SH3D21: variants seen among roughly 807,000 people sequenced by gnomAD.
SH3D21 encodes the protein SH3 domain-containing protein 21.
SH3D21 carries 83 observed loss-of-function variants against 82.1 expected under a neutral mutation model. The ratio of observed to expected loss-of-function variants is 1.01; its 90% CI spans 0.85 to 1.21. The LOEUF (loss-of-function observed/expected upper bound fraction) is 1.21, where lower values mean the gene tolerates loss of function less well. Ranked by LOEUF, SH3D21 falls within the 50% of genes most tolerant of loss-of-function variation. SH3D21 has a pLI of 0.00. For missense variants in SH3D21, 980 were observed against 962.1 expected (o/e 1.02, Z -0.25); for synonymous variants, 383 against 387.8 (o/e 0.99, Z 0.15).
intron 7 of SH3D21, 55 bp downstream of exon 7, chr1:36,308,018 C>CT: frequency 1.3e-6 from 2 of 1,550,966 alleles, no homozygotes; most frequent in African/African-American, 2.7e-5. Flanking sequence ...AAGGTTGTGA[C>CT]TTGGTGGGCC....
At chr1:36,328,269 C>G (rs1199691029), downstream of SH3D21, 2 of 391,202 alleles carry the variant, frequency 5.1e-6, no homozygotes, top group African/African-American at 2.1e-5. Flanking sequence ...AACCCAAGCA[C>G]AGCTCTGCTC....
chr1:36,318,585 C>G (rs1646383218), intron 10 of SH3D21, among the ~76,000 whole-genome samples: 1 of 151,728 alleles, frequency 6.6e-6, no homozygotes, highest in South Asian at 2.1e-4. Context: ...CCAGCCTGGC[C>G]AACATGGTGA....
At chr1:36,329,080 C>A (rs1358354546), downstream of SH3D21, 1 of 152,282 alleles carries the variant, frequency 6.6e-6, no homozygotes, top group Non-Finnish European at 1.5e-5. Context: ...CCAAAGCTGC[C>A]TTTTCATAAT....
At chr1:36,323,502 G>C (rs917723406), downstream of SH3D21, 3 of 152,352 alleles carry the variant, frequency 2.0e-5, no homozygotes, top group African/African-American at 4.8e-5. Flanking sequence ...AGCGCGTCCC[G>C]CGGCCGCATA....
At chr1:36,327,354 C>G (rs1646555374), downstream of SH3D21, among the ~76,000 whole-genome samples, 1 of 152,228 alleles carries the variant, frequency 6.6e-6, no homozygotes, top group Admixed American at 6.5e-5. Flanking sequence ...TGCCTGCCAT[C>G]CACGGGAATA....
intron 10 of SH3D21, among the ~76,000 whole-genome samples, chr1:36,318,676 G>A (rs1211750248): frequency 1.3e-5 from 2 of 151,988 alleles, no homozygotes; most frequent in Non-Finnish European, 2.9e-5. Context: ...GGGAGGCCAA[G>A]GCAGGTGGAT....
Position 36,307,945 on chromosome 1 carries a change from C to T in SH3D21, c.520C>T (p.Pro174Ser). The stretch of plus-strand genomic sequence containing the variant: ...GAGCAGCCTGGCCTATGACAGCCCT[C>T]CAGACTACCTGCAGACAGGTGAGCA... Reference protein sequence around the residue: ...KLSSLAYDSPPDYLQTVSHPE... With the variant: ...KLSSLAYDSPSDYLQTVSHPE... The change falls in exon 7 of 16, where the codon CCA becomes TCA. Residue 174 changes from proline (P) to serine (S), a missense_variant. Coordinates refer to ENST00000453908, the MANE Select transcript of SH3D21 (RefSeq NM_001162530.2). This position sits in a 1 kb window ranked among gnomAD's most constrained non-coding sequence, Gnocchi z 5.4. 1 of 1,551,740 alleles carries T rather than the reference C, an allele frequency of 6.4e-7. No individual in the cohort carries two copies. The highest frequency in any genetic ancestry group is 8.7e-7 in the Non-Finnish European group (1 of 1,147,008).
chr1:36,320,078 TG>T lies in SH3D21; in HGVS notation c.1417del (p.Ala473ProfsTer10). 6.2e-7 allele frequency: 1 copy of T among 1,613,910 alleles called. No individual in the cohort carries two copies. The highest frequency in any genetic ancestry group is 8.5e-7 in the Non-Finnish European group (1 of 1,179,968). On this transcript the variant is annotated frameshift_variant, in exon 14 of 16. Coordinates refer to ENST00000453908, the MANE Select transcript of SH3D21 (RefSeq NM_001162530.2). LOFTEE classifies it high-confidence loss of function. ...PPMDKVPNPK[M>X]APLGDEAPTL... ...ATGGATAAAGTCCCTAATCCAAAGA[TG>T]GCCCCTCTGGGGGATGAGGCCCCCA...
At chr1:36,313,967 A>ATTTTTTT (rs1207014644) in intron 10 of SH3D21, among the ~76,000 whole-genome samples, 13 of 36,878 alleles carry the variant, frequency 3.5e-4, no homozygotes, top group East Asian at 2.6e-3. Flanking sequence ...TGCTGAACAT[A>ATTTTTTT]TTTTCTTTTT....
At chr1:36,308,050 G>A (rs1391825723) in intron 7 of SH3D21, 59 bp from the exon 8 acceptor site, 1 of 1,548,126 alleles carries the variant, frequency 6.5e-7, no homozygotes, top group African/African-American at 1.4e-5. Context: ...TGGAGGTGGG[G>A]GCTGCTGATG....
chr1:36,327,921 C>A, downstream of SH3D21: 1 of 1,257,796 alleles, frequency 8.0e-7, no homozygotes, highest in South Asian at 1.2e-5. Context: ...CCAGCCTGTC[C>A]GTGGGTCAGC....
chr1:36,309,486 T>A, intron 9 of SH3D21, 62 bp from the exon 10 acceptor site: 1 of 1,543,618 alleles, frequency 6.5e-7, no homozygotes, highest in Non-Finnish European at 8.8e-7. Flanking sequence ...ACGCCTGGCC[T>A]GCATTTTGGA....
At chr1:36,319,046 G>A in intron 10 of SH3D21, 25 bp from the exon 11 acceptor site, 1 of 1,368,814 alleles carries the variant, frequency 7.3e-7, no homozygotes, top group Non-Finnish European at 1.0e-6. Flanking sequence ...TCAGATGGAT[G>A]AGTGCTCCAC....
chr1:36,322,092 A>C, downstream of SH3D21: 1 of 1,353,888 alleles, frequency 7.4e-7, no homozygotes, highest in South Asian at 1.8e-5. Flanking sequence ...CCAGAGAGGG[A>C]GTGGGGACCC....
downstream of SH3D21, chr1:36,328,245 C>G (rs1413037010): frequency 2.4e-6 from 1 of 419,302 alleles, no homozygotes; most frequent in Non-Finnish European, 4.8e-6. Flanking sequence ...CTGGCATATT[C>G]AGGACCCAGT....
At chr1:36,322,544 CTCCTCGTCCTCG>C (rs1557490513), downstream of SH3D21, 1 of 1,598,456 alleles carries the variant, frequency 6.3e-7, no homozygotes, top group South Asian at 1.1e-5. Flanking sequence ...TCACCGTGTC[CTCCTCGTCCTCG>C]TCGTCGTCCT....
At position 36,312,754 on chromosome 1, in the gene SH3D21, A is replaced by G. The variant is rs1646264956; in HGVS notation, c.769+3164A>G. 2.0e-5 allele frequency among the ~76,000 whole-genome samples: 3 copies of G among 152,108 alleles called. No individual in the cohort carries two copies. In the South Asian group the frequency reaches 6.2e-4, roughly 32 times the overall value. On this transcript the variant is annotated intron_variant, in intron 10 of 15. Coordinates refer to ENST00000453908, the MANE Select transcript of SH3D21 (RefSeq NM_001162530.2). ...GAGACAGAGTCGCATTCTGTCACCT[A>G]GGTTGGAGTGCAGTGGCGCGATCTC...
At chr1:36,317,033 T>C (rs1242224288) in intron 10 of SH3D21, among the ~76,000 whole-genome samples, 2 of 152,154 alleles carry the variant, frequency 1.3e-5, no homozygotes, top group Non-Finnish European at 2.9e-5. Context: ...GCCTCAAAAT[T>C]GTGTCCTCAG....
downstream of SH3D21, among the ~76,000 whole-genome samples, chr1:36,329,895 G>T (rs893673746): frequency 6.6e-6 from 1 of 151,834 alleles, no homozygotes; most frequent in Non-Finnish European, 1.5e-5. Context: ...CCCTCCTTTC[G>T]CATAGGTCTT....
Sources: allele counts gnomAD v4.1 joint callset (sites outside exome capture counted in the v4.1 genomes callset), GRCh38; gene constraint gnomAD v4.1.1; non-coding constraint Gnocchi (gnomAD v3.1); transcripts MANE v1.5; gene names NCBI Gene and HGNC (gene_info 2026-07-23, HGNC 2026-07-21).